The following CA13 variants were observed in gnomAD, a reference collection of about 807,000 sequenced individuals.
CA13 encodes carbonic anhydrase 13, also known as CA-XIII.
In CA13, 21 loss-of-function variants were observed where a neutral mutation model predicts 31.5. The observed-to-expected ratio is 0.67, with a 90% confidence interval of 0.47 to 0.96. The LOEUF is 0.96. CA13 is among the 40% of genes least tolerant of loss of function. CA13 has a pLI of 0.00. For synonymous variants in CA13, 117 were observed against 111.4 expected, an observed-to-expected ratio of 1.05 and a Z score of -0.32; for missense variants, 315 against 318.9, an observed-to-expected ratio of 0.99 and a Z score of 0.09.
intron 6 of CA13, among the ~76,000 whole-genome samples, chr8:85,272,167 G>A (rs1372518463): frequency 1.3e-5 from 2 of 152,142 alleles, no homozygotes; most frequent in Non-Finnish European, 2.9e-5. Context: ...AACAACTGAT[G>A]TGCTGTCACT....
At chr8:85,273,170 C>T (rs1307427090) in intron 6 of CA13, among the ~76,000 whole-genome samples, 1 of 152,158 alleles carries the variant, frequency 6.6e-6, no homozygotes, top group Non-Finnish European at 1.5e-5. Flanking sequence ...TATTAAATTC[C>T]CACCAGCAAC....
intron 2 of CA13, 24 bp downstream of exon 2, chr8:85,250,961 T>C (rs1261092942): frequency 6.3e-6 from 10 of 1,579,576 alleles, no homozygotes; most frequent in Middle Eastern, 3.3e-4. Context: ...TTTTTGTGTG[T>C]GTGGTGGTGG....
At position 85,283,178 on chromosome 8, in the gene CA13, C is replaced by A. The variant is rs1220955799; in HGVS notation, c.*1829C>A. ...ACCTCAAGTGATCTGCCTGCCTCGG[C>A]CTCTCAAATTGCTGGAATTACAGTT... On this transcript the variant is annotated 3_prime_UTR_variant, in exon 7 of 7. Transcript: ENST00000321764. 1 of 152,192 alleles carries A rather than the reference C, an allele frequency of 6.6e-6. No individual in the cohort carries two copies. The highest frequency in any genetic ancestry group is 1.5e-5 in the Non-Finnish European group (1 of 68,046). 9.4% of individuals were successfully genotyped at this position (152,192 alleles called of 1,614,324 possible).
intron 3 of CA13, among the ~76,000 whole-genome samples, chr8:85,265,943 G>A (rs940648515): frequency 1.3e-5 from 2 of 152,158 alleles, no homozygotes; most frequent in Non-Finnish European, 2.9e-5. Context: ...GACAGTTTTA[G>A]AAACAGCCTC....
At position 85,266,604 on chromosome 8, in the gene CA13, T is replaced by C; in HGVS notation, c.355-4T>C. On this transcript the variant is annotated splice_region_variant and splice_polypyrimidine_tract_variant and intron_variant, in intron 3 of 6. Coordinates refer to ENST00000321764, the MANE Select transcript of CA13 (RefSeq NM_198584.3). ...TCCTACTATGTTGTATATCTCCCTT[T>C]CAGCTCCATGTTGTTCACTGGAATT... The C allele has an allele frequency of 6.2e-7, 1 of 1,611,302 alleles. No individual in the cohort carries two copies. The highest frequency in any genetic ancestry group is 8.5e-7 in the Non-Finnish European group (1 of 1,178,008).
chr8:85,255,800 T>C (rs954850032), intron 2 of CA13, among the ~76,000 whole-genome samples: 1 of 152,218 alleles, frequency 6.6e-6, no homozygotes, highest in African/African-American at 2.4e-5. Flanking sequence ...ACTCAAACAG[T>C]ATCTCGCTGC....
chr8:85,245,995 A>G, intron 1 of CA13, 130 bp downstream of exon 1: 1 of 725,422 alleles, frequency 1.4e-6, no homozygotes, highest in Non-Finnish European at 2.3e-6. Flanking sequence ...TCTTTAAACT[A>G]AGCAGCACTC....
chr8:85,277,339 G>A (rs888963394), intron 6 of CA13, among the ~76,000 whole-genome samples: 6 of 151,694 alleles, frequency 4.0e-5, no homozygotes, highest in East Asian at 3.9e-4. Context: ...AGACATGCGC[G>A]GCCTTAAGAG....
chr8:85,248,937 G>A (rs1813777616), intron 1 of CA13, among the ~76,000 whole-genome samples: 1 of 151,992 alleles, frequency 6.6e-6, no homozygotes, highest in African/African-American at 2.4e-5. Flanking sequence ...TGAATTAAGG[G>A]GGAAAAAAGT....
At chr8:85,245,892 G>A in intron 1 of CA13, 27 bp downstream of exon 1, 1 of 1,614,062 alleles carries the variant, frequency 6.2e-7, no homozygotes, top group African/African-American at 1.3e-5. Context: ...GATCCAAGGG[G>A]GGGTTTGTGC....
At chr8:85,254,003 G>T (rs1172822324) in intron 2 of CA13, among the ~76,000 whole-genome samples, 1 of 152,122 alleles carries the variant, frequency 6.6e-6, no homozygotes, top group African/African-American at 2.4e-5. Flanking sequence ...ATAAGGCCGG[G>T]TGTGGTGGCT....
rs549218983 is a variant in CA13, at chr8:85,252,060, C to T, written c.235+1123C>T. On this transcript the variant is annotated intron_variant, in intron 2 of 6. Coordinates refer to ENST00000321764, the MANE Select transcript of CA13 (RefSeq NM_198584.3). ...ATTGCTTATGTCTAGGAGTTCAAGA[C>T]CAGCTTGGGCAACATAGTGAGAACT... is the stretch of plus-strand genomic sequence containing the variant. Among the ~76,000 whole-genome samples, 187 of 152,164 alleles carry T rather than the reference C, an allele frequency of 1.2e-3. 1 individual carries two copies. The highest frequency in any genetic ancestry group is 2.3e-3 in the Non-Finnish European group (154 of 68,012).
rs370790769 is a variant in CA13 at position 85,268,529 on chromosome 8, G to T, written c.571G>T (p.Asp191Tyr). ...ATTGTCTCTGCTTCCACCATCCTGGGACTACTGGACATATCCTGGTTCTCT... is the reference window on the plus strand; with the variant it reads ...ATTGTCTCTGCTTCCACCATCCTGGTACTACTGGACATATCCTGGTTCTCT... The part of the protein sequence containing the change: ...DLLSLLPPSW[D>Y]YWTYPGSLTV... The change falls in exon 6 of 7, where the codon GAC becomes TAC. Residue 191 changes from aspartate to tyrosine, a missense_variant. By Grantham distance (160) the Asp-to-Tyr change is radical. Coordinates refer to ENST00000321764, the MANE Select transcript of CA13 (RefSeq NM_198584.3). 2.2e-5 allele frequency: 36 copies of T among 1,613,896 alleles called. No homozygotes were observed. Among genetic ancestry groups the T allele is most frequent in the Non-Finnish European group, 2.6e-5 (31 of 1,179,938 alleles).
chr8:85,250,713 CT>C, intron 1 of CA13, 26 bp from the exon 2 acceptor site: 1 of 1,441,490 alleles, frequency 6.9e-7, no homozygotes, highest in Non-Finnish European at 9.7e-7. Flanking sequence ...TTATTTAATC[CT>C]TTTCTTTTGG....
In CA13 at chr8:85,281,543, C is replaced by T. The variant is rs925429917; in HGVS notation, c.*194C>T. The T allele has an allele frequency of 2.3e-5, 29 of 1,239,690 alleles. No individual in the cohort carries two copies. The highest frequency in any genetic ancestry group is 2.9e-5 in the Non-Finnish European group (28 of 970,940). The allele number at this position is 1,239,690 out of a possible 1,614,324, so 76.8% of individuals were successfully genotyped here. A position where few individuals can be genotyped will look rare whatever the true frequency, so the allele number is the denominator to read the frequency against. ...TTTATTTTTTTTAGTGATAGAGTCT[C>T]ACTCTGTCACCCAGGCTGGAGGGCA... On this transcript the variant is annotated 3_prime_UTR_variant, in exon 7 of 7. Coordinates refer to ENST00000321764, the MANE Select transcript of CA13 (RefSeq NM_198584.3).
chr8:85,254,772 G>GTTTTTTTT (rs10658651), intron 2 of CA13, among the ~76,000 whole-genome samples: 1 of 122,652 alleles, frequency 8.2e-6, no homozygotes. Context: ...AGTTAAACAA[G>GTTTTTTTT]TTTTTTTTTT....
chr8:85,267,900 A>G lies in CA13; in HGVS notation c.451-2A>G. 2 of 1,584,230 alleles carry G rather than the reference A, an allele frequency of 1.3e-6. No homozygotes were observed. The highest frequency in any genetic ancestry group is 1.7e-6 in the Non-Finnish European group (2 of 1,156,552). On this transcript the variant is annotated splice_acceptor_variant, in intron 4 of 6. Coordinates refer to ENST00000321764, the MANE Select transcript of CA13 (RefSeq NM_198584.3). LOFTEE classifies it high-confidence loss of function. ...ATTTCTTTTGAAATTTCATGTTTTT[A>G]GATTGGTGAACCTAATTCCCAACTG... is the stretch of plus-strand genomic sequence containing the variant.
rs371122389 is a variant in CA13 at position 85,283,265 on chromosome 8, A to G, written c.*1916A>G. On this transcript the variant is annotated 3_prime_UTR_variant, in exon 7 of 7. Coordinates refer to ENST00000321764, the MANE Select transcript of CA13 (RefSeq NM_198584.3). ...TAATTGAATTTATTCTGCCGTGTTGATAGAATAACTGAATATCAGTAAATT... is the reference window on the plus strand; with the variant it reads ...TAATTGAATTTATTCTGCCGTGTTGGTAGAATAACTGAATATCAGTAAATT... The G allele has an allele frequency of 6.6e-6, 1 of 152,168 alleles. No individual in the cohort carries two copies. Among genetic ancestry groups the G allele is most frequent in the South Asian group, 2.1e-4 (1 of 4,824 alleles). The allele number at this position is 152,168 out of a possible 1,614,324, so 9.4% of individuals were successfully genotyped here.
rs931484059 is a variant in CA13, at chr8:85,245,630, G to A, written c.-199G>A. The A allele has an allele frequency of 9.9e-6, 6 of 603,736 alleles. No homozygotes were observed. In the African/African-American group the frequency reaches 1.2e-4, roughly 12 times the overall value. 37.4% of individuals were successfully genotyped at this position (603,736 alleles called of 1,614,324 possible). ...CTCGCGCCCCAGGAGTCAGCCAGCG[G>A]CGCGGGCGCCTTCCCCGCACGCCTC... On this transcript the variant is annotated 5_prime_UTR_variant, in exon 1 of 7. Coordinates refer to ENST00000321764, the MANE Select transcript of CA13 (RefSeq NM_198584.3).
Sources: gnomAD v4.1 joint callset for allele counts (sites outside exome capture counted in the v4.1 genomes callset) on GRCh38, gnomAD v4.1.1 for gene constraint, MANE v1.5 for transcripts, NCBI Gene and HGNC (gene_info 2026-07-23, HGNC 2026-07-21) for gene names.